The following MALRD1 variants were observed in gnomAD, a reference collection of about 807,000 sequenced individuals.
MALRD1 encodes the protein MAM and LDL receptor class A domain containing 1.
A neutral mutation model predicts 242.1 loss-of-function variants in MALRD1; 247 were observed. The observed-to-expected ratio is 1.02, with a 90% CI of 0.92 to 1.13. The LOEUF (loss-of-function observed/expected upper bound fraction) is 1.13. Ranked by LOEUF, MALRD1 falls within the 50% of genes most tolerant of loss-of-function variation. The probability of loss-of-function intolerance (pLI) is 0.00; values close to 1 mark genes in which losing one functional copy is unlikely to be tolerated. For synonymous variants in MALRD1, 995 were observed against 866.6 expected (o/e 1.15, Z -2.60); for missense variants, 2,989 against 2,533.1 (o/e 1.18, Z -3.86).
At chr10:19,501,965 G>T (rs1837991489) in intron 31 of MALRD1, among the ~76,000 whole-genome samples, 1 of 149,334 alleles carries the variant, frequency 6.7e-6, no homozygotes, top group Non-Finnish European at 1.5e-5. Flanking sequence ...TGAGATTGAG[G>T]CTGCAGTGTC....
intron 14 of MALRD1, among the ~76,000 whole-genome samples, chr10:19,193,611 A>C (rs1220332473): frequency 6.6e-6 from 1 of 152,174 alleles, no homozygotes; most frequent in Non-Finnish European, 1.5e-5. Context: ...ACATGGGAAT[A>C]TTAATGCAAT....
chr10:19,292,287 A>T (rs573205968), intron 21 of MALRD1, among the ~76,000 whole-genome samples: 1 of 152,000 alleles, frequency 6.6e-6, no homozygotes, highest in African/African-American at 2.4e-5. Flanking sequence ...TCTAATCAAA[A>T]TTACCTTTGT....
intron 21 of MALRD1, among the ~76,000 whole-genome samples, chr10:19,319,563 A>C (rs1332817587): frequency 6.6e-6 from 1 of 152,118 alleles, no homozygotes; most frequent in Non-Finnish European, 1.5e-5. Context: ...AAATCTCATA[A>C]ACAAAGAGAC....
intron 29 of MALRD1, among the ~76,000 whole-genome samples, chr10:19,470,018 T>C (rs1307430988): frequency 1.3e-5 from 2 of 152,034 alleles, no homozygotes; most frequent in Non-Finnish European, 2.9e-5. Context: ...AGTGTTGTTA[T>C]CTGGAGGCAC....
chr10:19,413,708 G>T (rs541126240), intron 28 of MALRD1, among the ~76,000 whole-genome samples: 2 of 152,040 alleles, frequency 1.3e-5, no homozygotes, highest in South Asian at 4.2e-4. Context: ...TTTAGGCTGT[G>T]TGTGGTGGCT....
intron 24 of MALRD1, among the ~76,000 whole-genome samples, chr10:19,343,084 GC>G (rs1843955820): frequency 6.6e-6 from 1 of 151,936 alleles, no homozygotes; most frequent in Non-Finnish European, 1.5e-5. Context: ...ACACAAATAT[GC>G]CCTTTATAGG....
intron 35 of MALRD1, among the ~76,000 whole-genome samples, chr10:19,614,938 A>T (rs1324535594): frequency 6.6e-6 from 1 of 152,084 alleles, no homozygotes; most frequent in Non-Finnish European, 1.5e-5. Context: ...AAAGCACTTT[A>T]TTGTTATCAC....
At chr10:19,459,797 T>C (rs1835842200) in intron 29 of MALRD1, among the ~76,000 whole-genome samples, 2 of 150,886 alleles carry the variant, frequency 1.3e-5, no homozygotes, top group South Asian at 4.1e-4. Flanking sequence ...TGATAAATAT[T>C]ACTATTAATA....
chr10:19,449,645 T>C (rs541152516), intron 28 of MALRD1, among the ~76,000 whole-genome samples: 5 of 152,258 alleles, frequency 3.3e-5, no homozygotes, highest in African/African-American at 1.2e-4. Flanking sequence ...TTGGGGCATA[T>C]ATACAGACCC....
At chr10:19,720,985 C>T (rs185011116) in intron 38 of MALRD1, among the ~76,000 whole-genome samples, 4 of 151,558 alleles carry the variant, frequency 2.6e-5, no homozygotes, top group African/African-American at 9.7e-5. Context: ...AGTAAACATA[C>T]CAGAAAACCT....
intron 24 of MALRD1, among the ~76,000 whole-genome samples, chr10:19,346,070 G>A (rs1482143530): frequency 6.6e-6 from 1 of 151,974 alleles, no homozygotes; most frequent in Admixed American, 6.6e-5. Context: ...CAGGGGTGAA[G>A]CACTCCACCC....
At chr10:19,474,961 A>G (rs1409001428) in intron 29 of MALRD1, among the ~76,000 whole-genome samples, 2 of 152,230 alleles carry the variant, frequency 1.3e-5, no homozygotes, top group African/African-American at 2.4e-5. Flanking sequence ...TTTTGCATTC[A>G]TTAGTTCATT....
chr10:19,629,657 G>C (rs2131643668), intron 36 of MALRD1, among the ~76,000 whole-genome samples: 1 of 152,222 alleles, frequency 6.6e-6, no homozygotes, highest in Non-Finnish European at 1.5e-5. Flanking sequence ...TGTGCATGTG[G>C]CCAACGCACT....
chr10:19,454,433 A>ATATATATATATATATATAT lies in MALRD1; in HGVS notation c.5029+3944_5029+3945insATATATATATATATATATT, dbSNP rs1835523396. 5.6e-4 allele frequency among the ~76,000 whole-genome samples: 31 copies of ATATATATATATATATATAT among 55,414 alleles called. 1 individual carries two copies. In the East Asian group the frequency reaches 5.8e-3, roughly 10 times the overall value. 36.4% of individuals were successfully genotyped at this position (55,414 alleles called of 152,430 possible). A position where few individuals can be genotyped will look rare whatever the true frequency, so the allele number is the denominator to read the frequency against. Reference sequence around the variant, plus strand: ...ATATATATATATATATATATATATAATTATATGATACATACATATAAATTA... The same window carrying ATATATATATATATATATAT: ...ATATATATATATATATATATATATAATATATATATATATATATATTTATATGATACATACATATAAATTA... On this transcript the variant is annotated intron_variant, in intron 29 of 39. Transcript: ENST00000454679.
At chr10:19,619,540 T>G (rs780404435) in intron 36 of MALRD1, among the ~76,000 whole-genome samples, 2 of 152,050 alleles carry the variant, frequency 1.3e-5, no homozygotes, top group Admixed American at 1.3e-4. Flanking sequence ...ATATGCTGAC[T>G]TCTTACAAAT....
Position 19,585,154 on chromosome 10 carries a change from A to G in MALRD1, c.5681-10040A>G, listed in dbSNP as rs183476255. 4.3e-3 allele frequency among the ~76,000 whole-genome samples: 659 copies of G among 152,284 alleles called. 4 individuals carry two copies. The highest frequency in any genetic ancestry group is 0.014 in the African/African-American group (580 of 41,538). ...GAGATGCGTTTCCTGAATACAGCAC[A>G]CTGATGGGTCTTGGCTCTTTATCCA... On this transcript the variant is annotated intron_variant, in intron 33 of 39. Transcript: ENST00000454679.
At chr10:19,172,408 T>C (rs1203130667) in intron 13 of MALRD1, among the ~76,000 whole-genome samples, 1 of 151,624 alleles carries the variant, frequency 6.6e-6, no homozygotes, top group Non-Finnish European at 1.5e-5. Context: ...ATTATGAATT[T>C]AACTATGTAG....
chr10:19,611,004 G>A (rs1459458782), intron 35 of MALRD1, among the ~76,000 whole-genome samples: 1 of 151,900 alleles, frequency 6.6e-6, no homozygotes, highest in Admixed American at 6.6e-5. Context: ...AGAAGATGGA[G>A]AGAACAAGAT....
intron 5 of MALRD1, among the ~76,000 whole-genome samples, chr10:19,111,037 G>T (rs1388382786): frequency 1.3e-5 from 2 of 152,076 alleles, no homozygotes; most frequent in African/African-American, 4.8e-5. Flanking sequence ...ATAAGATTTT[G>T]CTATCATTTT....
Sources: allele counts gnomAD v4.1 joint callset (sites outside exome capture counted in the v4.1 genomes callset), GRCh38; gene constraint gnomAD v4.1.1; transcripts MANE v1.5; gene names NCBI Gene and HGNC (gene_info 2026-07-23, HGNC 2026-07-21).